TCF12: variants seen among roughly 807,000 people sequenced by gnomAD.
TCF12 encodes transcription factor 12, also known as DNA-binding protein HTF4.
Under a neutral mutation model 86.0 loss-of-function variants are expected in TCF12, and 45 were observed. The ratio of observed to expected loss-of-function variants is 0.52; its 90% CI spans 0.41 to 0.67. TCF12 has a LOEUF of 0.67. Ranked by LOEUF, TCF12 falls within the 30% of genes least tolerant of loss-of-function variation. The pLI, the probability that TCF12 is intolerant of heterozygous loss-of-function variation, is 0.00. For synonymous variants in TCF12, 330 were observed against 299.6 expected (o/e 1.10, Z -1.05); for missense variants, 881 against 859.9 (o/e 1.02, Z -0.31).
At chr15:57,129,673 A>G (rs1016632900) in intron 5 of TCF12, 4 of 152,210 alleles carry the variant, frequency 2.6e-5, no homozygotes, top group Non-Finnish European at 4.4e-5. Context: ...GCCTTGCACT[A>G]TTTTTGAGAA....
intron 13 of TCF12, among the ~76,000 whole-genome samples, chr15:57,249,883 A>G (rs1229524477): frequency 2.0e-5 from 3 of 152,174 alleles, no homozygotes; most frequent in Non-Finnish European, 2.9e-5. Context: ...TCGTGAAATA[A>G]TGAAGATTTT....
At chr15:57,016,965 T>G (rs2065187850) in intron 3 of TCF12, among the ~76,000 whole-genome samples, 2 of 152,186 alleles carry the variant, frequency 1.3e-5, no homozygotes, top group Non-Finnish European at 2.9e-5. Flanking sequence ...GACATCCATT[T>G]GGGCTCATCC....
intron 3 of TCF12, among the ~76,000 whole-genome samples, chr15:56,939,795 G>C (rs1435465966): frequency 6.6e-6 from 1 of 152,098 alleles, no homozygotes; most frequent in Admixed American, 6.5e-5. Flanking sequence ...GGAGACGTGA[G>C]GTGTTCATTT....
At chr15:56,966,002 G>T (rs553749509) in intron 3 of TCF12, among the ~76,000 whole-genome samples, 10 of 152,212 alleles carry the variant, frequency 6.6e-5, no homozygotes, top group African/African-American at 2.2e-4. Flanking sequence ...TAGTTTTACA[G>T]GGATACAGTC....
chr15:56,954,602 G>A (rs370259541), intron 3 of TCF12, among the ~76,000 whole-genome samples: 10 of 152,008 alleles, frequency 6.6e-5, no homozygotes, highest in Non-Finnish European at 1.3e-4. Context: ...GCTTCTGCAC[G>A]GCAAAAGAAA....
intron 8 of TCF12, chr15:57,218,897 TAAG>T (rs879639106): frequency 9.9e-6 from 3 of 301,942 alleles, no homozygotes; most frequent in Non-Finnish European, 1.5e-5. Flanking sequence ...TCTAGCTAGT[TAAG>T]AGGTATTTGC....
At position 57,289,065 on chromosome 15, in the gene TCF12, A is replaced by T. The variant is rs923443276; in HGVS notation, c.*2920A>T. 6.6e-6 allele frequency: 1 copy of T among 152,148 alleles called. No individual in the cohort carries two copies. Among genetic ancestry groups the T allele is most frequent in the South Asian group, 2.1e-4 (1 of 4,824 alleles). 9.4% of individuals were successfully genotyped at this position (152,148 alleles called of 1,614,324 possible). The stretch of plus-strand genomic sequence containing the variant: ...AGCAAGAACCTCAAACAAACTAGAC[A>T]AACTTTTTTTTTGACAGTGAATGAC... On this transcript the variant is annotated 3_prime_UTR_variant, in exon 21 of 21. Transcript: ENST00000333725.
At chr15:57,134,662 T>C (rs1292253174) in intron 5 of TCF12, among the ~76,000 whole-genome samples, 3 of 152,338 alleles carry the variant, frequency 2.0e-5, no homozygotes, top group African/African-American at 7.2e-5. Flanking sequence ...ATTCAAATCA[T>C]TCATTATTTT....
At chr15:56,979,857 A>T (rs2062801265) in intron 3 of TCF12, among the ~76,000 whole-genome samples, 1 of 152,180 alleles carries the variant, frequency 6.6e-6, no homozygotes, top group South Asian at 2.1e-4. Context: ...CATTACTTGT[A>T]TTCATTTGCA....
intron 3 of TCF12, among the ~76,000 whole-genome samples, chr15:57,057,337 T>TG (rs1483869657): frequency 6.6e-6 from 1 of 152,178 alleles, no homozygotes; most frequent in Non-Finnish European, 1.5e-5. Context: ...AAAAAGACAA[T>TG]GGGGTTTCTG....
chr15:56,934,917 C>T (rs577953897), intron 3 of TCF12, among the ~76,000 whole-genome samples: 10 of 152,244 alleles, frequency 6.6e-5, no homozygotes, highest in African/African-American at 2.2e-4. Flanking sequence ...TTGACAGTTG[C>T]GTGACTGGAC....
At chr15:56,980,244 G>A (rs979875041) in intron 3 of TCF12, among the ~76,000 whole-genome samples, 2 of 152,134 alleles carry the variant, frequency 1.3e-5, no homozygotes, top group Admixed American at 1.3e-4. Flanking sequence ...ATGCCCTTCC[G>A]TCTCAGGCTT....
At chr15:57,009,894 AAACT>A (rs1230614748) in intron 3 of TCF12, among the ~76,000 whole-genome samples, 1 of 152,168 alleles carries the variant, frequency 6.6e-6, no homozygotes, top group Non-Finnish European at 1.5e-5. Context: ...ACTCTATGTA[AAACT>A]AACTGTTTTA....
chr15:57,074,125 A>G (rs1200680071), intron 4 of TCF12, among the ~76,000 whole-genome samples: 1 of 152,144 alleles, frequency 6.6e-6, no homozygotes, highest in African/African-American at 2.4e-5. Context: ...GTATTAAAAT[A>G]AATGAGCCAT....
At chr15:57,110,347 C>T (rs547316691) in intron 5 of TCF12, among the ~76,000 whole-genome samples, 1 of 152,068 alleles carries the variant, frequency 6.6e-6, no homozygotes, top group Non-Finnish European at 1.5e-5. Context: ...CTTGAAAGCA[C>T]TAGCAGAATA....
At chr15:57,073,422 T>G (rs1211407055) in intron 4 of TCF12, among the ~76,000 whole-genome samples, 2 of 152,214 alleles carry the variant, frequency 1.3e-5, no homozygotes, top group Non-Finnish European at 2.9e-5. Flanking sequence ...TGTACCCACT[T>G]GGGTTTTTAA....
intron 6 of TCF12, among the ~76,000 whole-genome samples, chr15:57,183,858 G>A (rs1451163675): frequency 6.6e-6 from 1 of 152,076 alleles, no homozygotes; most frequent in Non-Finnish European, 1.5e-5. Context: ...TTTGGACTCG[G>A]GATACCTAAC....
chr15:57,098,035 A>G (rs1052122745), intron 5 of TCF12, among the ~76,000 whole-genome samples: 1 of 119,262 alleles, frequency 8.4e-6, no homozygotes, highest in East Asian at 2.6e-4. Context: ...AAAAAAAAAA[A>G]CCAGTCAGGC....
In TCF12 at chr15:56,943,933, C is replaced by T. The variant is rs1287271055; in HGVS notation, c.148+22835C>T. Among the ~76,000 whole-genome samples, 5 of 152,176 alleles carry T rather than the reference C, an allele frequency of 3.3e-5. No individual in the cohort carries two copies. In the East Asian group the frequency reaches 5.8e-4, roughly 18 times the overall value. Reference sequence around the variant, plus strand: ...TGAAGCTGGTGTTGAACCTAGGAATCGTAATTTTTAACAAGCTACCTACTT... The same window carrying T: ...TGAAGCTGGTGTTGAACCTAGGAATTGTAATTTTTAACAAGCTACCTACTT... On this transcript the variant is annotated intron_variant, in intron 3 of 20. Coordinates refer to ENST00000333725, the MANE Select transcript of TCF12 (RefSeq NM_207037.2).
Sources: allele counts gnomAD v4.1 joint callset (sites outside exome capture counted in the v4.1 genomes callset), GRCh38; gene constraint gnomAD v4.1.1; transcripts MANE v1.5; gene names NCBI Gene and HGNC (gene_info 2026-07-23, HGNC 2026-07-21).